Variants in AKAP6 observed in about 807,000 individuals in gnomAD.
AKAP6 encodes A-kinase anchoring protein 6, also known as A-kinase anchor protein 6.
Under a neutral mutation model 188.5 loss-of-function variants are expected in AKAP6, and 58 were observed. The ratio of observed to expected loss-of-function variants is 0.31; its 90% CI spans 0.25 to 0.38. The LOEUF (loss-of-function observed/expected upper bound fraction) is 0.38. Ranked by LOEUF, AKAP6 falls within the 10% of genes least tolerant of loss-of-function variation. The pLI, the probability that AKAP6 is intolerant of heterozygous loss-of-function variation, is 1.00. For synonymous variants in AKAP6, 989 were observed against 998.6 expected, an observed-to-expected ratio of 0.99 and a Z score of 0.18; for missense variants, 2,710 against 2,740.0, an observed-to-expected ratio of 0.99 and a Z score of 0.24.
chr14:32,719,180 G>A (rs1359093221), intron 9 of AKAP6, among the ~76,000 whole-genome samples: 3 of 152,048 alleles, frequency 2.0e-5, no homozygotes, highest in African/African-American at 4.8e-5. Context: ...AAGTCACAAT[G>A]TGAATACATA....
At chr14:32,473,522 C>T (rs1162304880) in intron 2 of AKAP6, among the ~76,000 whole-genome samples, 2 of 152,088 alleles carry the variant, frequency 1.3e-5, no homozygotes, top group Non-Finnish European at 2.9e-5. Flanking sequence ...ATGAAAATTC[C>T]AAAGCAGAAA....
Position 32,560,511 on chromosome 14 carries a change from C to T in AKAP6, c.2346+13512C>T, listed in dbSNP as rs186158471. Among the ~76,000 whole-genome samples the T allele has an allele frequency of 1.2e-4, 18 of 152,114 alleles. No homozygotes were observed. The South Asian group carries it at 1.5e-3, about 12-fold the overall frequency. The stretch of plus-strand genomic sequence containing the variant: ...TGGCTGTTGGCCTCTGCAATATATA[C>T]GGAAGATGATCTGCCCTTTTGTTTG... On this transcript the variant is annotated intron_variant, in intron 4 of 13. Transcript: ENST00000280979.
At chr14:32,396,740 A>G (rs1290726946) in intron 1 of AKAP6, among the ~76,000 whole-genome samples, 1 of 152,084 alleles carries the variant, frequency 6.6e-6, no homozygotes, top group Non-Finnish European at 1.5e-5. Flanking sequence ...CTGAGGGTGA[A>G]GTTAACCCTC....
intron 1 of AKAP6, among the ~76,000 whole-genome samples, chr14:32,369,620 TA>T (rs1401622888): frequency 6.6e-6 from 1 of 152,228 alleles, no homozygotes; most frequent in East Asian, 1.9e-4. Context: ...TAAATTCATT[TA>T]AAGAATCTTT....
chr14:32,424,171 T>G (rs1050792501), intron 1 of AKAP6, among the ~76,000 whole-genome samples: 3 of 152,234 alleles, frequency 2.0e-5, no homozygotes, highest in African/African-American at 7.2e-5. Context: ...TGTACCATTC[T>G]AGGATACAAC....
intron 12 of AKAP6, among the ~76,000 whole-genome samples, chr14:32,794,680 A>T (rs182411251): frequency 6.6e-6 from 1 of 152,340 alleles, no homozygotes; most frequent in Non-Finnish European, 1.5e-5. Context: ...CTAAATGCCC[A>T]TATCAAAAAG....
At chr14:32,474,773 T>C (rs2138873677) in intron 2 of AKAP6, among the ~76,000 whole-genome samples, 1 of 152,370 alleles carries the variant, frequency 6.6e-6, no homozygotes, top group East Asian at 1.9e-4. Context: ...TGCACTTCAC[T>C]CATTTTCCAA....
At chr14:32,801,405 G>T (rs185147613) in intron 12 of AKAP6, among the ~76,000 whole-genome samples, 18 of 152,190 alleles carry the variant, frequency 1.2e-4, no homozygotes, top group African/African-American at 4.3e-4. Flanking sequence ...GTATAGTGCG[G>T]TTAACTTATA....
intron 1 of AKAP6, among the ~76,000 whole-genome samples, chr14:32,406,910 A>G (rs2138634880): frequency 6.6e-6 from 1 of 152,326 alleles, no homozygotes; most frequent in Middle Eastern, 3.4e-3. Context: ...GATGATTATA[A>G]CAAAATGGAA....
intron 7 of AKAP6, among the ~76,000 whole-genome samples, chr14:32,672,092 C>A (rs940184434): frequency 2.0e-5 from 3 of 152,122 alleles, no homozygotes; most frequent in Non-Finnish European, 2.9e-5. Context: ...ATGATCCAGG[C>A]ATTGAATTTG....
intron 2 of AKAP6, among the ~76,000 whole-genome samples, chr14:32,475,925 C>T (rs920932717): frequency 3.9e-5 from 6 of 151,940 alleles, no homozygotes; most frequent in South Asian, 2.1e-4. Flanking sequence ...CCTCATGATC[C>T]GCCCGCCTCG....
intron 2 of AKAP6, among the ~76,000 whole-genome samples, chr14:32,507,717 G>C (rs1880951407): frequency 6.6e-6 from 1 of 152,204 alleles, no homozygotes; most frequent in African/African-American, 2.4e-5. Context: ...TGTGGCCTGG[G>C]ACAGGCATTG....
chr14:32,608,619 T>G (rs1234555431), intron 7 of AKAP6, among the ~76,000 whole-genome samples: 2 of 152,096 alleles, frequency 1.3e-5, no homozygotes, highest in African/African-American at 4.8e-5. Flanking sequence ...TTCTTTGGTG[T>G]CTCTAATCAA....
At chr14:32,404,998 ATGACAGCTGT>A (rs1386927684) in intron 1 of AKAP6, among the ~76,000 whole-genome samples, 2 of 151,580 alleles carry the variant, frequency 1.3e-5, no homozygotes, top group Non-Finnish European at 2.9e-5. Flanking sequence ...AGGGCCCCTG[ATGACAGCTGT>A]GACCTCTGGT....
chr14:32,799,842 T>C (rs1029484030), intron 12 of AKAP6, among the ~76,000 whole-genome samples: 1 of 152,038 alleles, frequency 6.6e-6, no homozygotes, highest in African/African-American at 2.4e-5. Flanking sequence ...GTGATAATGC[T>C]GTTCAGTTCA....
intron 11 of AKAP6, among the ~76,000 whole-genome samples, chr14:32,745,471 CTCTCTCTCTCTCTCTCTCTCTCTCTG>C (rs1375885501): frequency 1.8e-3 from 122 of 68,194 alleles, no homozygotes; most frequent in African/African-American, 8.7e-3. Context: ...TTCTCTCTCT[CTCTCTCTCTCTCTCTCTCTCTCTCTG>C]TCTCTCTCTC....
intron 5 of AKAP6, among the ~76,000 whole-genome samples, chr14:32,586,703 T>G (rs1355100817): frequency 6.6e-6 from 1 of 152,354 alleles, no homozygotes; most frequent in African/African-American, 2.4e-5. Context: ...TCGAAGTCAA[T>G]AAATATAGAA....
At chr14:32,405,571 T>C (rs913031245) in intron 1 of AKAP6, among the ~76,000 whole-genome samples, 9 of 152,192 alleles carry the variant, frequency 5.9e-5, no homozygotes, top group Non-Finnish European at 1.3e-4. Context: ...CATTATGATA[T>C]GGTTTGATTG....
At position 32,591,489 on chromosome 14, in the gene AKAP6, C is replaced by G. The variant is rs960869718; in HGVS notation, c.2470-7921C>G. Among the ~76,000 whole-genome samples, 28 of 129,066 alleles carry G rather than the reference C, an allele frequency of 2.2e-4. No homozygotes were observed. In the South Asian group the frequency reaches 2.9e-3, roughly 13 times the overall value. 84.7% of individuals were successfully genotyped at this position (129,066 alleles called of 152,430 possible). ...TTTGCACCAAAAAAAAAAAAAAAAG[C>G]AACTGTTTGTTTGAAATAAATTGTA... On this transcript the variant is annotated intron_variant, in intron 5 of 13. Coordinates refer to ENST00000280979, the MANE Select transcript of AKAP6 (RefSeq NM_004274.5).
Sources: allele counts gnomAD v4.1 joint callset (sites outside exome capture counted in the v4.1 genomes callset), GRCh38; gene constraint gnomAD v4.1.1; transcripts MANE v1.5; gene names NCBI Gene and HGNC (gene_info 2026-07-23, HGNC 2026-07-21).